The following ERBB4 variants were observed in gnomAD, a reference collection of about 807,000 sequenced individuals.
The protein encoded by ERBB4 is receptor tyrosine-protein kinase erbB-4.
A neutral mutation model predicts 158.0 loss-of-function variants in ERBB4; 42 were observed. The observed-to-expected ratio is 0.27, with a 90% CI of 0.21 to 0.34. ERBB4 has a LOEUF of 0.34. Ranked by LOEUF, ERBB4 falls within the 10% of genes least tolerant of loss-of-function variation. ERBB4 has a pLI of 1.00. For synonymous variants in ERBB4, 583 were observed against 558.7 expected, an observed-to-expected ratio of 1.04 and a Z score of -0.61; for missense variants, 1,333 against 1,624.1, an observed-to-expected ratio of 0.82 and a Z score of 3.08.
intron 1 of ERBB4, among the ~76,000 whole-genome samples, chr2:212,523,572 T>TAAA (rs34619293): frequency 6.6e-6 from 1 of 151,400 alleles, no homozygotes; most frequent in Admixed American, 6.6e-5. Context: ...GAATGACAAT[T>TAAA]AAAAAAAATC....
At chr2:211,574,223 G>T (rs186937693) in intron 19 of ERBB4, among the ~76,000 whole-genome samples, 26 of 152,250 alleles carry the variant, frequency 1.7e-4, no homozygotes, top group Admixed American at 1.6e-3. Flanking sequence ...CAGGAAAACT[G>T]ACAGAAAACA....
intron 1 of ERBB4, among the ~76,000 whole-genome samples, chr2:212,421,282 C>A (rs2091786361): frequency 6.7e-6 from 1 of 149,538 alleles, no homozygotes; most frequent in Non-Finnish European, 1.5e-5. Flanking sequence ...TACTTACAAT[C>A]AGATGAATTG....
In ERBB4 at chr2:212,349,511, G is replaced by T. The variant is rs73987383; in HGVS notation, c.82+188938C>A. ...ACCTGACTAACAGATTAAAATAAGAGTTAAGTTTTCTGTCATAGTAAGTGC... is the reference window on the plus strand; with the variant it reads ...ACCTGACTAACAGATTAAAATAAGATTTAAGTTTTCTGTCATAGTAAGTGC... On this transcript the variant is annotated intron_variant, in intron 1 of 27. Transcript: ENST00000342788. Among the ~76,000 whole-genome samples, 877 of 152,192 alleles carry T rather than the reference G, an allele frequency of 5.8e-3. 10 individuals are homozygous for T. Among genetic ancestry groups the T allele is most frequent in the African/African-American group, 0.02 (823 of 41,530 alleles).
chr2:212,250,092 G>A (rs1168375509), intron 1 of ERBB4, among the ~76,000 whole-genome samples: 2 of 151,818 alleles, frequency 1.3e-5, no homozygotes, highest in African/African-American at 4.8e-5. Flanking sequence ...AAATTTATTG[G>A]GGCTTAATTC....
chr2:212,046,910 C>T (rs932064243), intron 2 of ERBB4, among the ~76,000 whole-genome samples: 1 of 152,140 alleles, frequency 6.6e-6, no homozygotes, highest in Non-Finnish European at 1.5e-5. Flanking sequence ...TGCATATCTT[C>T]AAGAGTTCAT....
intron 1 of ERBB4, among the ~76,000 whole-genome samples, chr2:212,233,222 G>T (rs891698162): frequency 2.0e-5 from 3 of 152,058 alleles, no homozygotes; most frequent in African/African-American, 7.2e-5. Context: ...ATTTTACAAA[G>T]AAAATAGGGT....
intron 3 of ERBB4, among the ~76,000 whole-genome samples, chr2:211,790,890 T>C (rs1034878010): frequency 5.9e-5 from 9 of 151,974 alleles, no homozygotes; most frequent in Admixed American, 3.9e-4. Flanking sequence ...TTGACACTTA[T>C]AGGACAGTTT....
intron 19 of ERBB4, among the ~76,000 whole-genome samples, chr2:211,580,254 A>G (rs907783249): frequency 6.6e-6 from 1 of 152,186 alleles, no homozygotes; most frequent in African/African-American, 2.4e-5. Flanking sequence ...ATCTGACAGA[A>G]GGACAAATAT....
At chr2:212,422,510 C>CACA (rs778765827) in intron 1 of ERBB4, among the ~76,000 whole-genome samples, 12 of 151,796 alleles carry the variant, frequency 7.9e-5, no homozygotes, top group Non-Finnish European at 1.2e-4. Context: ...AACACACACA[C>CACA]ACACACACAC....
At position 211,701,999 on chromosome 2, in the gene ERBB4, A is replaced by G. The variant is rs925440223; in HGVS notation, c.1457T>C (p.Val486Ala). 3 of 1,613,912 alleles carry G rather than the reference A, an allele frequency of 1.9e-6. No homozygotes were observed. Among genetic ancestry groups the G allele is most frequent in the Non-Finnish European group, 2.5e-6 (3 of 1,179,804 alleles). The change falls in exon 12 of 28, where the codon GTA (valine) becomes GCA (alanine). Residue 486 changes from valine (V) to alanine (A), a missense_variant. Around this residue, in one of 5 missense-constraint regions of ERBB4, gnomAD observed 245 missense variants for 247.5 expected, o/e 0.99. Transcript: ENST00000342788. ...TLFSTINQRIVIRDNRKAENC... is the reference protein window; with the variant it reads ...TLFSTINQRIAIRDNRKAENC... ...TTCAGCTTTTCTGTTGTCCCGGATT[A>G]CTATTCTCTGGTTGATTGTGCTGAA...
intron 1 of ERBB4, among the ~76,000 whole-genome samples, chr2:212,404,835 T>G (rs1187211049): frequency 6.6e-6 from 1 of 152,024 alleles, no homozygotes; most frequent in African/African-American, 2.4e-5. Context: ...CAGTATCTCT[T>G]GTTCCCCTTC....
At chr2:211,514,368 A>G (rs116550209) in intron 20 of ERBB4, among the ~76,000 whole-genome samples, 1,667 of 152,290 alleles carry the variant, frequency 0.011, 38 homozygotes, top group African/African-American at 0.038. Context: ...CCTCTAATTC[A>G]GCCAGAGCCT....
intron 1 of ERBB4, among the ~76,000 whole-genome samples, chr2:212,254,530 C>T (rs984601189): frequency 6.6e-6 from 1 of 152,168 alleles, no homozygotes; most frequent in Non-Finnish European, 1.5e-5. Context: ...ACCGTGGGAT[C>T]ACAATCATTT....
intron 20 of ERBB4, among the ~76,000 whole-genome samples, chr2:211,516,901 C>T (rs2066048991): frequency 6.6e-6 from 1 of 152,078 alleles, no homozygotes; most frequent in Non-Finnish European, 1.5e-5. Flanking sequence ...TTCTCAGGCA[C>T]AGGGATAGAG....
chr2:211,558,092 A>C (rs982320704), intron 20 of ERBB4, among the ~76,000 whole-genome samples: 2 of 152,148 alleles, frequency 1.3e-5, no homozygotes, highest in Non-Finnish European at 2.9e-5. Context: ...ACGGAAACAC[A>C]CACTAGGGCC....
chr2:212,211,986 A>G (rs1200284153), intron 1 of ERBB4, among the ~76,000 whole-genome samples: 1 of 152,132 alleles, frequency 6.6e-6, no homozygotes, highest in Middle Eastern at 3.2e-3. Context: ...GGTTGGTTCC[A>G]TATCTTTACT....
At chr2:211,958,250 A>G (rs901297694) in intron 2 of ERBB4, among the ~76,000 whole-genome samples, 12 of 152,152 alleles carry the variant, frequency 7.9e-5, no homozygotes, top group African/African-American at 2.7e-4. Context: ...TGATGCTCTT[A>G]ATATTAAATT....
chr2:212,202,583 C>A (rs1238926058), intron 1 of ERBB4, among the ~76,000 whole-genome samples: 2 of 152,184 alleles, frequency 1.3e-5, no homozygotes, highest in Admixed American at 6.5e-5. Flanking sequence ...TCAAGGAGTC[C>A]TCCCACCTAA....
At chr2:211,808,486 T>C (rs2076671071) in intron 3 of ERBB4, among the ~76,000 whole-genome samples, 3 of 152,172 alleles carry the variant, frequency 2.0e-5, no homozygotes, top group Admixed American at 6.5e-5. Flanking sequence ...CATTGGTCTA[T>C]ATCTCTGTTT....
Sources: gnomAD v4.1 joint callset for allele counts (sites outside exome capture counted in the v4.1 genomes callset) on GRCh38, gnomAD v4.1.1 for gene constraint, gnomAD v4.1.1 regional missense constraint, MANE v1.5 for transcripts, NCBI Gene and HGNC (gene_info 2026-07-23, HGNC 2026-07-21) for gene names.